MYT1L: variants seen among roughly 807,000 people sequenced by gnomAD.
The protein encoded by MYT1L is myelin transcription factor 1 like, also known as myelin transcription factor 1-like protein.
A neutral mutation model predicts 126.7 loss-of-function variants in MYT1L; 12 were observed. That is an observed-to-expected ratio of 0.09 (90% confidence interval 0.06 to 0.15). MYT1L has a LOEUF of 0.15. Ranked by LOEUF, MYT1L falls within the 10% of genes least tolerant of loss-of-function variation. The probability of loss-of-function intolerance (pLI) is 1.00; values close to 1 mark genes in which losing one functional copy is unlikely to be tolerated. For synonymous variants in MYT1L, 541 were observed against 604.2 expected, an observed-to-expected ratio of 0.90 and a Z score of 1.53; for missense variants, 979 against 1,585.2, an observed-to-expected ratio of 0.62 and a Z score of 6.49.
At position 1,811,749 on chromosome 2, in the gene MYT1L, C is replaced by T. The variant is rs904197947; in HGVS notation, c.3081-2582G>A. Among the ~76,000 whole-genome samples the T allele has an allele frequency of 6.6e-6, 1 of 152,164 alleles. No individual in the cohort carries two copies. The highest frequency in any genetic ancestry group is 6.5e-5 in the Admixed American group (1 of 15,268). On this transcript the variant is annotated intron_variant, in intron 21 of 24. Transcript: ENST00000647738. The surrounding 1 kb of genome is among the most constrained non-coding windows in gnomAD (Gnocchi z 4.4). ...TAGTGTGGGGCGTGAACGAACCCCT[C>T]GCGTTCCGGAGGGAACAGGCTCCTC...
chr2:2,242,914 G>A (rs2094465493), intron 2 of MYT1L, among the ~76,000 whole-genome samples: 1 of 152,176 alleles, frequency 6.6e-6, no homozygotes. Flanking sequence ...TAGGAAGGAT[G>A]CAGGGTTCAG....
intron 4 of MYT1L, among the ~76,000 whole-genome samples, chr2:2,016,622 G>C (rs542539114): frequency 6.6e-6 from 1 of 152,084 alleles, no homozygotes; most frequent in Non-Finnish European, 1.5e-5. Flanking sequence ...GTGGGAACTG[G>C]GGAAACATAT....
At chr2:2,051,892 A>G (rs550168599) in intron 4 of MYT1L, among the ~76,000 whole-genome samples, 21 of 152,270 alleles carry the variant, frequency 1.4e-4, no homozygotes, top group African/African-American at 4.8e-4. Context: ...ATGATCTACA[A>G]ATTCAGTGCA....
chr2:2,004,258 C>T (rs1434326808), intron 4 of MYT1L, among the ~76,000 whole-genome samples: 15 of 139,814 alleles, frequency 1.1e-4, no homozygotes, highest in South Asian at 2.5e-4. Context: ...TTCCTGCAGG[C>T]GTTCTTTCCT....
chr2:1,810,950 A>AC (rs928799300), intron 21 of MYT1L: 4 of 151,972 alleles, frequency 2.6e-5, no homozygotes, highest in African/African-American at 4.8e-5. Flanking sequence ...TGAAATCCTG[A>AC]CCCCCACCGG....
chr2:1,822,348 G>C (rs1256907524), intron 21 of MYT1L, among the ~76,000 whole-genome samples: 2 of 152,230 alleles, frequency 1.3e-5, no homozygotes, highest in African/African-American at 4.8e-5. Context: ...AGCTTGGCTA[G>C]GATTCCCAAT....
At chr2:2,287,561 G>C (rs181559022) in intron 1 of MYT1L, among the ~76,000 whole-genome samples, 20 of 152,244 alleles carry the variant, frequency 1.3e-4, no homozygotes, top group Admixed American at 8.5e-4. Context: ...ATTTACTGAA[G>C]ATGGGAAAGT....
At chr2:1,830,183 G>C (rs141085702) in intron 21 of MYT1L, among the ~76,000 whole-genome samples, 41 of 152,290 alleles carry the variant, frequency 2.7e-4, no homozygotes, top group African/African-American at 8.4e-4. Context: ...GTCAGGGAGA[G>C]ATGAGATAGT....
At chr2:2,031,654 C>A (rs1362274968) in intron 4 of MYT1L, among the ~76,000 whole-genome samples, 1 of 139,594 alleles carries the variant, frequency 7.2e-6, no homozygotes, top group African/African-American at 2.7e-5. Flanking sequence ...CACCCCTCAC[C>A]AGTGCCTCTC....
chr2:1,846,843 G>A (rs1243110186), intron 19 of MYT1L, among the ~76,000 whole-genome samples: 1 of 152,212 alleles, frequency 6.6e-6, no homozygotes, highest in African/African-American at 2.4e-5. Context: ...CACCTTACAA[G>A]GTTCCCAAGG....
At chr2:2,122,704 G>A (rs997776304) in intron 3 of MYT1L, among the ~76,000 whole-genome samples, 7 of 152,078 alleles carry the variant, frequency 4.6e-5, no homozygotes, top group South Asian at 2.1e-4. Context: ...GTTCCTCTTC[G>A]CTTCTCTGTC....
chr2:2,251,891 G>C (rs1427945992), intron 2 of MYT1L, among the ~76,000 whole-genome samples: 3 of 144,698 alleles, frequency 2.1e-5, no homozygotes, highest in Admixed American at 7.0e-5. Context: ...AAAGAAGAAC[G>C]AAAAGAAAGA....
intron 21 of MYT1L, among the ~76,000 whole-genome samples, chr2:1,831,857 C>T (rs73913424): frequency 2.6e-5 from 4 of 152,180 alleles, no homozygotes. Context: ...TCCCCCTGGA[C>T]CCCTGAGTCC....
chr2:2,180,512 G>A lies in MYT1L; in HGVS notation c.-420-7524C>T, dbSNP rs116151425. On this transcript the variant is annotated intron_variant, in intron 2 of 24. Transcript: ENST00000647738. ...GGAAACTGTGCCTGAAGGTGTATGC[G>A]AACCTGTGTGTGTACCTGTGTGTGC... Among the ~76,000 whole-genome samples, 815 of 152,150 alleles carry A rather than the reference G, an allele frequency of 5.4e-3. 8 individuals carry two copies. Among genetic ancestry groups the A allele is most frequent in the African/African-American group, 0.019 (775 of 41,440 alleles).
At chr2:2,259,559 G>GA (rs954107934) in intron 2 of MYT1L, among the ~76,000 whole-genome samples, 13 of 151,826 alleles carry the variant, frequency 8.6e-5, no homozygotes, top group African/African-American at 2.4e-4. Flanking sequence ...TAAAAGAGCT[G>GA]AAAAAAAATC....
chr2:2,004,175 G>C lies in MYT1L; in HGVS notation c.-157-6828C>G, dbSNP rs116421113. Among the ~76,000 whole-genome samples, 370 of 123,546 alleles carry C rather than the reference G, an allele frequency of 3.0e-3. 1 individual carries two copies. Among genetic ancestry groups the C allele is most frequent in the Non-Finnish European group, 4.8e-3 (289 of 60,736 alleles). 81.1% of individuals were successfully genotyped at this position (123,546 alleles called of 152,430 possible). ...CTTTCCTGTGTGCCTTCTTTCCTGC[G>C]TGCCTCCTTTCCTGCAGGCGTTCTT... On this transcript the variant is annotated intron_variant, in intron 4 of 24. Coordinates refer to ENST00000647738, the MANE Select transcript of MYT1L (RefSeq NM_001303052.2).
chr2:2,215,684 A>T (rs559082858), intron 2 of MYT1L, among the ~76,000 whole-genome samples: 2 of 152,364 alleles, frequency 1.3e-5, no homozygotes, highest in South Asian at 4.1e-4. Flanking sequence ...AACTAAACCT[A>T]ACTGATGTTT....
At chr2:2,017,006 G>A (rs145189060) in intron 4 of MYT1L, among the ~76,000 whole-genome samples, 2 of 152,348 alleles carry the variant, frequency 1.3e-5, no homozygotes, top group East Asian at 3.9e-4. Flanking sequence ...TAATAATTGA[G>A]TCCAAAGGCC....
At chr2:2,214,762 T>G (rs992526081) in intron 2 of MYT1L, among the ~76,000 whole-genome samples, 3 of 152,166 alleles carry the variant, frequency 2.0e-5, no homozygotes, top group African/African-American at 7.2e-5. Flanking sequence ...CGAATTGGGA[T>G]AGTCACACGG....
Sources: allele counts gnomAD v4.1 joint callset (sites outside exome capture counted in the v4.1 genomes callset), GRCh38; gene constraint gnomAD v4.1.1; non-coding constraint Gnocchi (gnomAD v3.1); transcripts MANE v1.5; gene names NCBI Gene and HGNC (gene_info 2026-07-23, HGNC 2026-07-21).